Variants in ELP3 observed in about 807,000 individuals in gnomAD.
The protein encoded by ELP3 is elongator complex protein 3.
ELP3 carries 56 observed loss-of-function variants against 74.9 expected under a neutral mutation model. That is an observed-to-expected ratio of 0.75 (90% CI 0.60 to 0.93). The LOEUF is 0.93. Ranked by LOEUF, ELP3 falls within the 40% of genes least tolerant of loss-of-function variation. The pLI is 0.00. For synonymous variants in ELP3, 222 were observed against 239.8 expected (o/e 0.93, Z 0.68); for missense variants, 573 against 686.5 (o/e 0.83, Z 1.85).
chr8:28,143,000 AC>A lies in ELP3; in HGVS notation c.1100+5110del, dbSNP rs566718390. Among the ~76,000 whole-genome samples, 6 of 152,266 alleles carry A rather than the reference AC, an allele frequency of 3.9e-5. No homozygotes were observed. In the East Asian group the frequency reaches 7.7e-4, roughly 20 times the overall value. On this transcript the variant is annotated intron_variant, in intron 10 of 14. Coordinates refer to ENST00000256398, the MANE Select transcript of ELP3 (RefSeq NM_018091.6). The stretch of plus-strand genomic sequence containing the variant: ...TGAGTGTTACTAAACTATTACTCTG[AC>A]TGCCTGCGTAAGAACTCATTCATAT...
At chr8:28,109,604 A>G (rs1316283800) in intron 5 of ELP3, among the ~76,000 whole-genome samples, 1 of 152,224 alleles carries the variant, frequency 6.6e-6, no homozygotes, top group Non-Finnish European at 1.5e-5. Flanking sequence ...TTGCATATAC[A>G]TAGTGAGAAA....
rs940590874 is a variant in ELP3, at chr8:28,137,562, C to T, written c.907-136C>T. The T allele has an allele frequency of 1.2e-4, 87 of 740,582 alleles. No homozygotes were observed. In the East Asian group the frequency reaches 1.8e-3, roughly 16 times the overall value. The allele number at this position is 740,582 out of a possible 1,614,324, so 45.9% of individuals were successfully genotyped here. ...ACAAGGAGTTTCTGTTCTGTCTGTA[C>T]GCCCTACCTGGTCAGAAGCAAAGGC... On this transcript the variant is annotated intron_variant, in intron 9 of 14. Transcript: ENST00000256398.
In ELP3 at chr8:28,093,148, C is replaced by T. The variant is rs1172694409; in HGVS notation, c.-67C>T. The T allele has an allele frequency of 6.3e-7, 1 of 1,595,792 alleles. No homozygotes were observed. Among genetic ancestry groups the T allele is most frequent in the Non-Finnish European group, 8.5e-7 (1 of 1,172,816 alleles). On this transcript the variant is annotated 5_prime_UTR_variant, in exon 1 of 15. Coordinates refer to ENST00000256398, the MANE Select transcript of ELP3 (RefSeq NM_018091.6). ...GGCGGGATTGTTTTGTGGCTGTCAG[C>T]TTTCCCCGTGGTCTGAGTTTGTGGC...
intron 3 of ELP3, among the ~76,000 whole-genome samples, chr8:28,106,021 T>G (rs985259507): frequency 6.6e-6 from 1 of 152,264 alleles, no homozygotes; most frequent in African/African-American, 2.4e-5. Context: ...GGTTTATATA[T>G]AATTTCATAG....
intron 7 of ELP3, 183 bp from the exon 8 acceptor site, chr8:28,129,319 A>G (rs186153230): frequency 7.0e-5 from 42 of 600,624 alleles, no homozygotes; most frequent in Admixed American, 5.5e-4. Flanking sequence ...AGAGGTTAAT[A>G]GCATCCCCAT....
At chr8:28,165,067 G>A (rs1002868391) in intron 14 of ELP3, among the ~76,000 whole-genome samples, 9 of 152,066 alleles carry the variant, frequency 5.9e-5, no homozygotes, top group Admixed American at 1.3e-4. Flanking sequence ...TGGGGAGGAC[G>A]GGTGGCCAGG....
At chr8:28,124,898 TTA>T (rs1347249634) in intron 7 of ELP3, among the ~76,000 whole-genome samples, 2 of 152,176 alleles carry the variant, frequency 1.3e-5, no homozygotes, top group African/African-American at 4.8e-5. Context: ...CGTGGTTAAT[TTA>T]TAGAACCTCA....
In ELP3 at chr8:28,141,611, T is replaced by C. The variant is rs528751223; in HGVS notation, c.1100+3720T>C. Among the ~76,000 whole-genome samples, 3 of 152,334 alleles carry C rather than the reference T, an allele frequency of 2.0e-5. No individual in the cohort carries two copies. The South Asian group carries it at 6.2e-4, about 32-fold the overall frequency. On this transcript the variant is annotated intron_variant, in intron 10 of 14. Coordinates refer to ENST00000256398, the MANE Select transcript of ELP3 (RefSeq NM_018091.6). The stretch of plus-strand genomic sequence containing the variant: ...TGTAAGAGAATATCCTCGTAGGAAA[T>C]ATTTAAAGTATTCTCAGGGCGTTGG...
At chr8:28,096,366 A>C (rs953712373) in intron 1 of ELP3, among the ~76,000 whole-genome samples, 1 of 152,238 alleles carries the variant, frequency 6.6e-6, no homozygotes, top group Non-Finnish European at 1.5e-5. Context: ...TCTGTGGAAA[A>C]ATCATCTTCC....
At chr8:28,145,656 C>G (rs1362096474) in intron 10 of ELP3, among the ~76,000 whole-genome samples, 2 of 152,102 alleles carry the variant, frequency 1.3e-5, no homozygotes, top group Non-Finnish European at 2.9e-5. Flanking sequence ...GAAGTCTAAC[C>G]CTTGTCACCT....
intron 14 of ELP3, among the ~76,000 whole-genome samples, chr8:28,170,409 T>C (rs1814473041): frequency 6.6e-6 from 1 of 152,176 alleles, no homozygotes; most frequent in African/African-American, 2.4e-5. Flanking sequence ...CAATCACACC[T>C]CACACTTTCC....
chr8:28,107,324 G>A (rs1811737891), intron 4 of ELP3, among the ~76,000 whole-genome samples: 1 of 152,096 alleles, frequency 6.6e-6, no homozygotes. Context: ...GTAGGTTATG[G>A]AACTCACAAC....
In ELP3 at chr8:28,146,554, A is replaced by G. The variant is rs148671938; in HGVS notation, c.1100+8663A>G. ...GAACTAGATTGAATCAAATGGAGAA[A>G]CGTAAAAATAATTTTAACTCCTACC... On this transcript the variant is annotated intron_variant, in intron 10 of 14. Transcript: ENST00000256398. Among the ~76,000 whole-genome samples the G allele has an allele frequency of 4.9e-3, 743 of 152,320 alleles. 4 individuals are homozygous for G. Among genetic ancestry groups the G allele is most frequent in the African/African-American group, 0.017 (693 of 41,566 alleles).
In ELP3 at chr8:28,129,613, G is replaced by A; in HGVS notation, c.729G>A (p.Leu243=). 1.2e-6 allele frequency: 2 copies of A among 1,614,190 alleles called. No homozygotes were observed. Among genetic ancestry groups the A allele is most frequent in the South Asian group, 2.2e-5 (2 of 91,082 alleles). ...TGTTGACCTATGGCTGCACAAGGCT[G>A]GAGATTGGGGTGCAGAGTGTTTATG... The part of the protein sequence containing the change: ...SDMLTYGCTR[L]EIGVQSVYED... The change falls in exon 8 of 15, where the codon CTG becomes CTA. Residue 243 remains leucine (L), a synonymous_variant. Transcript: ENST00000256398.
At chr8:28,181,039 C>T (rs1027980916) in intron 14 of ELP3, among the ~76,000 whole-genome samples, 2 of 152,150 alleles carry the variant, frequency 1.3e-5, no homozygotes, top group Non-Finnish European at 2.9e-5. Flanking sequence ...ATCTCACGTG[C>T]CCTTCCTAGA....
intron 5 of ELP3, among the ~76,000 whole-genome samples, chr8:28,109,723 G>A (rs1035895029): frequency 5.3e-5 from 8 of 152,254 alleles, no homozygotes; most frequent in African/African-American, 9.6e-5. Context: ...AATTTTGTGC[G>A]TGAAACAAAG....
intron 10 of ELP3, among the ~76,000 whole-genome samples, chr8:28,149,372 T>C (rs991840260): frequency 4.6e-5 from 7 of 152,254 alleles, no homozygotes; most frequent in Non-Finnish European, 8.8e-5. Context: ...TAGAGTCTTA[T>C]TCAGATTGAG....
intron 6 of ELP3, among the ~76,000 whole-genome samples, chr8:28,111,732 G>T (rs1044916563): frequency 6.6e-6 from 1 of 152,206 alleles, no homozygotes; most frequent in Non-Finnish European, 1.5e-5. Flanking sequence ...ACCAAAAAAA[G>T]GAGCATAGTT....
chr8:28,151,035 A>G (rs1384146931), intron 10 of ELP3, among the ~76,000 whole-genome samples: 1 of 152,136 alleles, frequency 6.6e-6, no homozygotes, highest in Non-Finnish European at 1.5e-5. Flanking sequence ...TCGGCCTTCC[A>G]GAGTGCTGAG....
Sources: gnomAD v4.1 joint callset for allele counts (sites outside exome capture counted in the v4.1 genomes callset) on GRCh38, gnomAD v4.1.1 for gene constraint, MANE v1.5 for transcripts, NCBI Gene and HGNC (gene_info 2026-07-23, HGNC 2026-07-21) for gene names.